VPS37B: variants seen among roughly 807,000 people sequenced by gnomAD.
VPS37B encodes the protein VPS37B subunit of ESCRT-I.
A neutral mutation model predicts 21.2 loss-of-function variants in VPS37B; 11 were observed. The ratio of observed to expected loss-of-function variants is 0.52; its 90% CI spans 0.33 to 0.86. The LOEUF is 0.86. Among genes scored for constraint, VPS37B ranks in the 40% least tolerant of loss-of-function variants. VPS37B has a pLI of 0.03. For missense variants in VPS37B, 389 were observed against 374.8 expected, an observed-to-expected ratio of 1.04 and a Z score of -0.31; for synonymous variants, 175 against 159.6, an observed-to-expected ratio of 1.10 and a Z score of -0.73.
At chr12:122,871,637 C>G in intron 1 of VPS37B, 1 of 985,456 alleles carries the variant, frequency 1.0e-6, no homozygotes, top group Non-Finnish European at 1.2e-6. Flanking sequence ...CAGCTCCTAG[C>G]TGTTGGTGGG....
intron 2 of VPS37B, chr12:122,870,670 T>G (rs1430898227): frequency 9.1e-6 from 4 of 441,940 alleles, no homozygotes; most frequent in Non-Finnish European, 1.6e-5. Context: ...CAGGAGGTCG[T>G]GCTGAGCCAT....
At chr12:122,895,818 A>C in intron 1 of VPS37B, 134 bp downstream of exon 1, 3 of 693,328 alleles carry the variant, frequency 4.3e-6, no homozygotes, top group Non-Finnish European at 4.7e-6. Context: ...CCCCGCCCCA[A>C]GCGCCCCCAT....
intron 1 of VPS37B, chr12:122,887,361 C>T (rs1343025818): frequency 6.6e-6 from 1 of 152,278 alleles, no homozygotes; most frequent in Non-Finnish European, 1.5e-5. Context: ...AGCCCAAGCT[C>T]CTTAACAGGG....
chr12:122,871,616 T>C (rs1411904936), intron 1 of VPS37B: 1 of 985,294 alleles, frequency 1.0e-6, no homozygotes, highest in Non-Finnish European at 1.2e-6. Flanking sequence ...CCCCAGCTCT[T>C]CTGAGCCTTC....
intron 1 of VPS37B, 53 bp from the exon 2 acceptor site, chr12:122,871,114 C>A (rs2034024486): frequency 3.1e-6 from 5 of 1,592,976 alleles, no homozygotes; most frequent in Non-Finnish European, 4.3e-6. Context: ...GCTCCTAAAC[C>A]CCTGAGGTCC....
At position 122,890,588 on chromosome 12, in the gene VPS37B, A is replaced by G. The variant is rs138070418; in HGVS notation, c.111+5364T>C. 4.6e-4 allele frequency among the ~76,000 whole-genome samples: 70 copies of G among 152,264 alleles called. No homozygotes were observed. The East Asian group carries it at 8.7e-3, about 19-fold the overall frequency. On this transcript the variant is annotated intron_variant, in intron 1 of 3. Coordinates refer to ENST00000267202, the MANE Select transcript of VPS37B (RefSeq NM_024667.3). The stretch of plus-strand genomic sequence containing the variant: ...AGTAATCTTCCCACCTCGGCCTCCC[A>G]AAGTGCTAAGATTACAGGTGTGAGC...
intron 1 of VPS37B, among the ~76,000 whole-genome samples, chr12:122,891,431 T>G (rs1277332919): frequency 6.6e-6 from 1 of 152,212 alleles, no homozygotes; most frequent in African/African-American, 2.4e-5. Context: ...GCACAGGGTT[T>G]AAGTCACTTA....
At chr12:122,870,832 T>G in intron 2 of VPS37B, 58 bp downstream of exon 2, 2 of 1,554,588 alleles carry the variant, frequency 1.3e-6, no homozygotes, top group South Asian at 2.4e-5. Context: ...GGCAATAGCT[T>G]GAAAATGTGT....
intron 1 of VPS37B, chr12:122,888,857 A>T (rs1258850904): frequency 1.7e-5 from 5 of 297,752 alleles, no homozygotes; most frequent in African/African-American, 6.6e-5. Flanking sequence ...TTCTGTCTCC[A>T]AGCAGAGCAT....
chr12:122,882,164 G>C (rs982902007), intron 1 of VPS37B: 4 of 151,826 alleles, frequency 2.6e-5, no homozygotes, highest in Non-Finnish European at 4.4e-5. Context: ...AGTTTATATA[G>C]GAAAAGCTGG....
intron 1 of VPS37B, among the ~76,000 whole-genome samples, chr12:122,894,084 T>G (rs1352704703): frequency 6.6e-6 from 1 of 152,188 alleles, no homozygotes; most frequent in African/African-American, 2.4e-5. Context: ...TTGTAGGCAG[T>G]GTTACACATT....
chr12:122,876,731 A>C (rs562587187), intron 1 of VPS37B: 1 of 142,106 alleles, frequency 7.0e-6, no homozygotes, highest in Non-Finnish European at 1.5e-5. Flanking sequence ...AAAAAAAAAA[A>C]CACACACACT....
At chr12:122,890,244 A>G (rs1348312561) in intron 1 of VPS37B, 4 of 152,226 alleles carry the variant, frequency 2.6e-5, no homozygotes, top group Non-Finnish European at 5.9e-5. Context: ...TAAAAAACAA[A>G]AACAAAAAAA....
At chr12:122,894,843 C>T (rs1169244598) in intron 1 of VPS37B, among the ~76,000 whole-genome samples, 1 of 152,168 alleles carries the variant, frequency 6.6e-6, no homozygotes, top group Non-Finnish European at 1.5e-5. Flanking sequence ...CTGGGCAAGG[C>T]TTGACTCTCA....
At chr12:122,869,965 A>G (rs1364600281) in intron 2 of VPS37B, 2 of 151,876 alleles carry the variant, frequency 1.3e-5, no homozygotes, top group African/African-American at 4.8e-5. Context: ...ATGCTCAACA[A>G]TCTTTAATTC....
intron 1 of VPS37B, chr12:122,871,983 T>C: frequency 2.0e-6 from 2 of 985,380 alleles, no homozygotes; most frequent in Non-Finnish European, 2.4e-6. Context: ...TGCGATTCCT[T>C]ACCCAGCGTG....
At chr12:122,870,814 C>G in intron 2 of VPS37B, 76 bp downstream of exon 2, 4 of 1,414,994 alleles carry the variant, frequency 2.8e-6, no homozygotes. Context: ...ATATTTCTTT[C>G]CTGGTAGGGC....
At chr12:122,877,220 A>C (rs1593914527) in intron 1 of VPS37B, 1 of 152,246 alleles carries the variant, frequency 6.6e-6, no homozygotes, top group South Asian at 2.1e-4. Flanking sequence ...GGAATCCTTA[A>C]TAGCACCGGA....
intron 1 of VPS37B, chr12:122,875,172 G>A (rs987646949): frequency 6.7e-5 from 10 of 148,876 alleles, no homozygotes; most frequent in Admixed American, 2.0e-4. Context: ...CAATTCCCGT[G>A]CCTCAGCCTC....
Sources: gnomAD v4.1 joint callset for allele counts (sites outside exome capture counted in the v4.1 genomes callset) on GRCh38, gnomAD v4.1.1 for gene constraint, MANE v1.5 for transcripts, NCBI Gene and HGNC (gene_info 2026-07-23, HGNC 2026-07-21) for gene names.